ENTPD4: variants seen among roughly 807,000 people sequenced by gnomAD.
ENTPD4 encodes Golgi UDPase.
In ENTPD4, 60 loss-of-function variants were observed where a neutral mutation model predicts 79.1. The observed-to-expected ratio is 0.76, with a 90% CI of 0.62 to 0.94. ENTPD4 has a LOEUF of 0.94. Among genes scored for constraint, ENTPD4 ranks in the 40% least tolerant of loss-of-function variants. ENTPD4 has a pLI of 0.00. For synonymous variants in ENTPD4, 276 were observed against 292.0 expected, an observed-to-expected ratio of 0.95 and a Z score of 0.56; for missense variants, 772 against 775.1, an observed-to-expected ratio of 1.00 and a Z score of 0.05.
intron 4 of ENTPD4, among the ~76,000 whole-genome samples, chr8:23,446,310 A>G (rs1800762459): frequency 6.6e-6 from 1 of 152,206 alleles, no homozygotes; most frequent in Admixed American, 6.5e-5. Context: ...ATCTTATTCC[A>G]TGAGATCTGT....
chr8:23,440,860 A>C (rs1454612209), intron 8 of ENTPD4, among the ~76,000 whole-genome samples: 1 of 152,214 alleles, frequency 6.6e-6, no homozygotes, highest in Non-Finnish European at 1.5e-5. Flanking sequence ...AGTGAGGAGG[A>C]GGATGATGAA....
chr8:23,442,089 A>G (rs748466801), intron 6 of ENTPD4, 23 bp from the exon 7 acceptor site: 1 of 1,594,728 alleles, frequency 6.3e-7, no homozygotes, highest in South Asian at 1.1e-5. Context: ...TACAGGGTGA[A>G]GAGAAGAAAA....
rs1800579629 is a variant in ENTPD4, at chr8:23,437,165, T to C, written c.1143A>G (p.Gly381=). 3 of 1,614,196 alleles carry C rather than the reference T, an allele frequency of 1.9e-6. No homozygotes were observed. The highest frequency in any genetic ancestry group is 2.5e-6 in the Non-Finnish European group (3 of 1,180,020). ...LDIKDEIQQN[G]QTIYLRGTGD... is the part of the protein sequence containing the mutation. The stretch of plus-strand genomic sequence containing the variant: ...CAGTCCCTCGTAGGTATATGGTTTG[T>C]CCATTTTGCTGGATTTCATCTTTAA... Residue 381 remains glycine, a synonymous_variant, in exon 10 of 13, where the codon GGA becomes GGG. Transcript: ENST00000358689.
At chr8:23,457,205 C>T (rs1282366883) in intron 1 of ENTPD4, among the ~76,000 whole-genome samples, 1 of 152,240 alleles carries the variant, frequency 6.6e-6, no homozygotes, top group African/African-American at 2.4e-5. Flanking sequence ...GCAGGGCCGG[C>T]TGGGTCCCGG....
Position 23,432,757 on chromosome 8 carries a change from CA to C in ENTPD4, c.*168del. On this transcript the variant is annotated 3_prime_UTR_variant, in exon 13 of 13. Coordinates refer to ENST00000358689, the MANE Select transcript of ENTPD4 (RefSeq NM_004901.5). ...TCATGATCCGCCCGCCTCGGCCTCCCAAAGTGCTGGGATTACAGGCGTGAGC... is the reference window on the plus strand; with the variant it reads ...TCATGATCCGCCCGCCTCGGCCTCCCAAGTGCTGGGATTACAGGCGTGAGC... The C allele has an allele frequency of 7.1e-7, 1 of 1,401,160 alleles. No individual in the cohort carries two copies. Among genetic ancestry groups the C allele is most frequent in the Non-Finnish European group, 9.3e-7 (1 of 1,073,852 alleles). The allele number at this position is 1,401,160 out of a possible 1,614,324, so 86.8% of individuals were successfully genotyped here.
Position 23,448,650 on chromosome 8 carries a change from C to T in ENTPD4, c.206+92G>A, listed in dbSNP as rs547647275. On this transcript the variant is annotated intron_variant, in intron 3 of 12. Coordinates refer to ENST00000358689, the MANE Select transcript of ENTPD4 (RefSeq NM_004901.5). Reference sequence around the variant, plus strand: ...ACAAATTGCTGTTGTTTATAAGCCACCCAGTCTATGGAATTCTGTTCCAGC... The same window carrying T: ...ACAAATTGCTGTTGTTTATAAGCCATCCAGTCTATGGAATTCTGTTCCAGC... The T allele has an allele frequency of 1.2e-5, 12 of 1,026,168 alleles. No individual in the cohort carries two copies. In the South Asian group the frequency reaches 1.7e-4, roughly 15 times the overall value. The allele number at this position is 1,026,168 out of a possible 1,614,324, so 63.6% of individuals were successfully genotyped here.
chr8:23,432,888 G>A lies in ENTPD4; in HGVS notation c.*38C>T. On this transcript the variant is annotated 3_prime_UTR_variant, in exon 13 of 13. Transcript: ENST00000358689. ...GAGGAGAAACCCTGAGGCAAAAATG[G>A]CTTTTCCTTTTGAGTCTTCGTGGAG... The A allele has an allele frequency of 2.0e-6, 3 of 1,512,868 alleles. No homozygotes were observed. The highest frequency in any genetic ancestry group is 2.7e-6 in the Non-Finnish European group (3 of 1,126,142). The allele number at this position is 1,512,868 out of a possible 1,614,324, so 93.7% of individuals were successfully genotyped here.
chr8:23,435,428 C>A lies in ENTPD4; in HGVS notation c.1424G>T (p.Gly475Val). The change falls in exon 11 of 13, where the codon GGA (glycine) becomes GTA (valine). Residue 475 changes from glycine to valine, a missense_variant. Transcript: ENST00000358689. ...GAGGTCAGCATGAGAGGCGTACAGT[C>A]CTCGGTCAAAGCGTTCCCGCAAAAT... The part of the protein sequence containing the change: ...WSILRERFDR[G>V]LYASHADLHR... The A allele has an allele frequency of 6.2e-7, 1 of 1,614,090 alleles. No individual in the cohort carries two copies. Among genetic ancestry groups the A allele is most frequent in the Non-Finnish European group, 8.5e-7 (1 of 1,179,996 alleles).
rs530301042 is a variant in ENTPD4 at position 23,432,821 on chromosome 8, A to G, written c.*105T>C. 14 of 1,447,494 alleles carry G rather than the reference A, an allele frequency of 9.7e-6. No individual in the cohort carries two copies. The South Asian group carries it at 2.1e-4, about 21-fold the overall frequency. The allele number at this position is 1,447,494 out of a possible 1,614,324, so 89.7% of individuals were successfully genotyped here. ...CCTGCATTTTGTTTTTGTTTGGAGGAACAAAAAAGGGAAAGAAAAAACAAA... is the reference window on the plus strand; with the variant it reads ...CCTGCATTTTGTTTTTGTTTGGAGGGACAAAAAAGGGAAAGAAAAAACAAA... On this transcript the variant is annotated 3_prime_UTR_variant, in exon 13 of 13. Transcript: ENST00000358689.
chr8:23,436,542 G>A (rs1308953505), intron 10 of ENTPD4, among the ~76,000 whole-genome samples: 1 of 152,124 alleles, frequency 6.6e-6, no homozygotes, highest in African/African-American at 2.4e-5. Context: ...GCCAAGTGTG[G>A]AAGTCTGGCA....
intron 9 of ENTPD4, 25 bp from the exon 10 acceptor site, chr8:23,437,283 CG>C: frequency 6.5e-7 from 1 of 1,531,416 alleles, no homozygotes; most frequent in Middle Eastern, 1.8e-4. Flanking sequence ...GAAACTTCAT[CG>C]TGAGTCCTAC....
intron 1 of ENTPD4, among the ~76,000 whole-genome samples, chr8:23,452,768 T>A (rs1428285420): frequency 1.3e-5 from 2 of 152,248 alleles, no homozygotes; most frequent in Non-Finnish European, 2.9e-5. Context: ...ATTAGCAGAA[T>A]GAACCTCTTC....
At position 23,436,954 on chromosome 8, in the gene ENTPD4, T is replaced by C. The variant is rs767102997; in HGVS notation, c.1354A>G (p.Lys452Glu). 6.3e-7 allele frequency: 1 copy of C among 1,596,896 alleles called. No homozygotes were observed. Among genetic ancestry groups the C allele is most frequent in the East Asian group, 2.2e-5 (1 of 44,688 alleles). Residue 452 changes from lysine to glutamate, a missense_variant, in exon 10 of 13, where the codon AAA becomes GAA. Physicochemically the swap from Lys to Glu is moderately conservative, Grantham distance 56. Coordinates refer to ENST00000358689, the MANE Select transcript of ENTPD4 (RefSeq NM_004901.5). ...GGTACCTTTGCAGCTTTAGTAAATT[T>C]AGCAGCATTGTAGTCTCCCCCCATT... ...LRMGGDYNAA[K>E]FTKAAKDYCA...
intron 7 of ENTPD4, 88 bp downstream of exon 7, chr8:23,441,919 C>T: frequency 7.8e-7 from 1 of 1,282,978 alleles, no homozygotes; most frequent in East Asian, 2.3e-5. Context: ...AGGAGTGTCA[C>T]AAAGCTTAGC....
At chr8:23,444,943 G>A (rs2117294787) in intron 4 of ENTPD4, among the ~76,000 whole-genome samples, 1 of 152,254 alleles carries the variant, frequency 6.6e-6, no homozygotes, top group East Asian at 1.9e-4. Flanking sequence ...CCATCAGCAT[G>A]CCATGAACTC....
intron 8 of ENTPD4, among the ~76,000 whole-genome samples, chr8:23,440,562 AT>A (rs1039284249): frequency 6.6e-6 from 1 of 152,178 alleles, no homozygotes; most frequent in Admixed American, 6.5e-5. Context: ...GAAAAACATG[AT>A]TTTTTACAAA....
At position 23,444,623 on chromosome 8, in the gene ENTPD4, C is replaced by A. The variant is rs1800733766; in HGVS notation, c.413-17G>T. The A allele has an allele frequency of 1.2e-6, 2 of 1,611,202 alleles. No individual in the cohort carries two copies. Among genetic ancestry groups the A allele is most frequent in the Non-Finnish European group, 1.7e-6 (2 of 1,177,616 alleles). ...CTGAAATGCCTAGAGAAACAGGATA[C>A]TTTAGTTAAGAAGCAGATATTTTAG... On this transcript the variant is annotated splice_polypyrimidine_tract_variant and intron_variant, in intron 4 of 12. Coordinates refer to ENST00000358689, the MANE Select transcript of ENTPD4 (RefSeq NM_004901.5).
At position 23,433,128 on chromosome 8, in the gene ENTPD4, G is replaced by T. The variant is rs1483993209; in HGVS notation, c.1649C>A (p.Ala550Asp). 2 of 1,614,170 alleles carry T rather than the reference G, an allele frequency of 1.2e-6. No individual in the cohort carries two copies. Among genetic ancestry groups the T allele is most frequent in the East Asian group, 4.5e-5 (2 of 44,868 alleles). The stretch of plus-strand genomic sequence containing the variant: ...AACGCCCCGCCAGTGGGTGTGACTG[G>T]CTCGGAAGGCCTCCTGCTGGATGTC... Reference protein sequence around the residue: ...LRDIQQEAFRASHTHWRGVSF... With the variant: ...LRDIQQEAFRDSHTHWRGVSF... The change falls in exon 13 of 13, where the codon GCC becomes GAC. Residue 550 changes from alanine (A) to aspartate (D), a missense_variant. Ala to Asp is a moderately radical substitution (Grantham distance 126). Coordinates refer to ENST00000358689, the MANE Select transcript of ENTPD4 (RefSeq NM_004901.5).
chr8:23,450,394 T>C (rs2117304065), intron 1 of ENTPD4, among the ~76,000 whole-genome samples: 1 of 152,368 alleles, frequency 6.6e-6, no homozygotes, highest in South Asian at 2.1e-4. Context: ...CCCTTTTATG[T>C]ACAAAGTACT....
Sources: allele counts gnomAD v4.1 joint callset (sites outside exome capture counted in the v4.1 genomes callset), GRCh38; gene constraint gnomAD v4.1.1; transcripts MANE v1.5; gene names NCBI Gene and HGNC (gene_info 2026-07-23, HGNC 2026-07-21).